Variants in FARSB observed in about 807,000 individuals in gnomAD.
The protein encoded by FARSB is phenylalanyl-tRNA synthetase subunit beta.
Under a neutral mutation model 69.6 loss-of-function variants are expected in FARSB, and 40 were observed. That is an observed-to-expected ratio of 0.57 (90% CI 0.45 to 0.75). FARSB has a LOEUF of 0.75. FARSB is among the 30% of genes least tolerant of loss of function. The pLI, the probability that FARSB is intolerant of heterozygous loss-of-function variation, is 0.00. For missense variants in FARSB, 632 were observed against 722.9 expected, an observed-to-expected ratio of 0.87 and a Z score of 1.44; for synonymous variants, 235 against 247.2, an observed-to-expected ratio of 0.95 and a Z score of 0.46.
At chr2:222,621,994 A>G (rs1022756588) in intron 13 of FARSB, among the ~76,000 whole-genome samples, 3 of 152,210 alleles carry the variant, frequency 2.0e-5, no homozygotes, top group African/African-American at 7.2e-5. Flanking sequence ...GACTGTTTCT[A>G]ACATCCCTGG....
rs112671761 is a variant in FARSB, at chr2:222,584,013, G to A, written c.1619-11991C>T. ...TATTTCTTCATAGCAGCATGAGAAC[G>A]GACTAATACAGCTATAAAGGACAAT... On this transcript the variant is annotated intron_variant, in intron 16 of 16. Transcript: ENST00000281828. Among the ~76,000 whole-genome samples, 1,237 of 152,158 alleles carry A rather than the reference G, an allele frequency of 8.1e-3. 12 individuals carry two copies. The highest frequency in any genetic ancestry group is 0.028 in the African/African-American group (1,172 of 41,490).
intron 13 of FARSB, among the ~76,000 whole-genome samples, chr2:222,621,270 C>T (rs1691127811): frequency 6.6e-6 from 1 of 152,208 alleles, no homozygotes; most frequent in Non-Finnish European, 1.5e-5. Context: ...CCTGAAGTGG[C>T]AGTAGTTAGT....
chr2:222,586,589 T>A (rs1175173012), intron 16 of FARSB, among the ~76,000 whole-genome samples: 1 of 152,102 alleles, frequency 6.6e-6, no homozygotes, highest in Non-Finnish European at 1.5e-5. Flanking sequence ...TCAAGACCCA[T>A]CAGTGTGCTG....
intron 4 of FARSB, among the ~76,000 whole-genome samples, chr2:222,639,914 AAAT>A (rs1458912715): frequency 1.3e-5 from 2 of 152,220 alleles, no homozygotes; most frequent in African/African-American, 4.8e-5. Flanking sequence ...AAAATGTATT[AAAT>A]AATTGAGAAA....
chr2:222,583,413 C>T (rs914091237), intron 16 of FARSB, among the ~76,000 whole-genome samples: 3 of 152,134 alleles, frequency 2.0e-5, no homozygotes, highest in Non-Finnish European at 2.9e-5. Flanking sequence ...ATGAAAATTG[C>T]GTGCCACTTC....
At chr2:222,635,204 A>G (rs906225241) in intron 5 of FARSB, among the ~76,000 whole-genome samples, 2 of 152,228 alleles carry the variant, frequency 1.3e-5, no homozygotes, top group African/African-American at 4.8e-5. Flanking sequence ...TGTAAAACCG[A>G]GCCAGGAAAT....
At chr2:222,630,217 T>G in intron 8 of FARSB, 43 bp from the exon 9 acceptor site, 3 of 971,028 alleles carry the variant, frequency 3.1e-6, no homozygotes, top group Non-Finnish European at 4.7e-6. Context: ...TATAAATATA[T>G]TCTCTTCACT....
intron 16 of FARSB, among the ~76,000 whole-genome samples, chr2:222,589,582 C>A (rs1019248067): frequency 6.6e-6 from 1 of 150,562 alleles, no homozygotes; most frequent in African/African-American, 2.5e-5. Flanking sequence ...AGGCAACCTA[C>A]AGAATGGGAG....
rs1462429650 is a variant in FARSB at position 222,600,087 on chromosome 2, G to GA, written c.1463-5dup. On this transcript the variant is annotated splice_polypyrimidine_tract_variant and splice_region_variant and intron_variant, in intron 15 of 16. Coordinates refer to ENST00000281828, the MANE Select transcript of FARSB (RefSeq NM_005687.5). ...CTGTAGTTTTTTGCACCTACATCTA[G>GA]AAAAATAAAGGAACTGGTCACAACG... 1 of 1,601,226 alleles carries GA rather than the reference G, an allele frequency of 6.2e-7. No homozygotes were observed. Among genetic ancestry groups the GA allele is most frequent in the Non-Finnish European group, 8.5e-7 (1 of 1,176,434 alleles).
At position 222,656,019 on chromosome 2, in the gene FARSB, A is replaced by G; in HGVS notation, c.55T>C (p.Tyr19His). 1 of 1,597,028 alleles carries G rather than the reference A, an allele frequency of 6.3e-7. No homozygotes were observed. The highest frequency in any genetic ancestry group is 8.5e-7 in the Non-Finnish European group (1 of 1,171,234). The part of the protein sequence containing the change: ...DLLFQALGRT[Y>H]TDEEFDELCF... Reference sequence around the variant, plus strand: ...AACGTATAGGGCCGCCACTCACTGTAGGTGCGGCCCAGGGCTTGGAAGAGC... The same window carrying G: ...AACGTATAGGGCCGCCACTCACTGTGGGTGCGGCCCAGGGCTTGGAAGAGC... Residue 19 changes from tyrosine to histidine, a missense_variant, in exon 1 of 17, where the codon TAC becomes CAC. Coordinates refer to ENST00000281828, the MANE Select transcript of FARSB (RefSeq NM_005687.5).
chr2:222,614,052 G>A (rs1690935192), intron 14 of FARSB, 124 bp from the exon 15 acceptor site: 2 of 495,200 alleles, frequency 4.0e-6, no homozygotes, highest in East Asian at 6.0e-5. Context: ...AAAATGCATT[G>A]CCCTAAAATA....
chr2:222,628,025 A>AT (rs1322231303), intron 10 of FARSB, among the ~76,000 whole-genome samples: 1 of 152,212 alleles, frequency 6.6e-6, no homozygotes, highest in Non-Finnish European at 1.5e-5. Context: ...ACTGGTTTAG[A>AT]TTTTTTACCA....
intron 16 of FARSB, among the ~76,000 whole-genome samples, chr2:222,598,938 A>T (rs1380827460): frequency 7.5e-6 from 1 of 133,160 alleles, no homozygotes; most frequent in Non-Finnish European, 1.7e-5. Context: ...TCTCTCATTT[A>T]TTTAAAAAAA....
chr2:222,574,160 CT>C (rs35731405), intron 16 of FARSB, among the ~76,000 whole-genome samples: 2,796 of 149,644 alleles, frequency 0.019, 55 homozygotes, highest in African/African-American at 0.047. Context: ...CGAATCAGCA[CT>C]TTTTTTTTTA....
intron 15 of FARSB, among the ~76,000 whole-genome samples, chr2:222,600,690 TA>T (rs2106198275): frequency 6.6e-6 from 1 of 152,270 alleles, no homozygotes; most frequent in East Asian, 1.9e-4. Flanking sequence ...AAAACTAAAT[TA>T]CATTGTTTAA....
intron 16 of FARSB, among the ~76,000 whole-genome samples, chr2:222,580,959 T>C (rs1689953993): frequency 6.6e-6 from 1 of 151,588 alleles, no homozygotes; most frequent in Non-Finnish European, 1.5e-5. Flanking sequence ...GGCCAGGGGG[T>C]CTTGAGACAT....
chr2:222,645,214 T>C (rs1349306754), intron 2 of FARSB, among the ~76,000 whole-genome samples: 1 of 152,224 alleles, frequency 6.6e-6, no homozygotes, highest in Non-Finnish European at 1.5e-5. Flanking sequence ...GTCTGGACTA[T>C]AGAGTTCAGA....
chr2:222,585,303 C>T (rs531196404), intron 16 of FARSB, among the ~76,000 whole-genome samples: 44 of 152,172 alleles, frequency 2.9e-4, no homozygotes, highest in African/African-American at 8.0e-4. Flanking sequence ...GGAAAACTAA[C>T]GAACAGAAAG....
At chr2:222,637,362 G>A (rs1365451398) in intron 5 of FARSB, among the ~76,000 whole-genome samples, 1 of 151,888 alleles carries the variant, frequency 6.6e-6, no homozygotes, top group African/African-American at 2.4e-5. Flanking sequence ...AGGCCAAGGT[G>A]GGCAGAGTCC....
Sources: gnomAD v4.1 joint callset for allele counts (sites outside exome capture counted in the v4.1 genomes callset) on GRCh38, gnomAD v4.1.1 for gene constraint, MANE v1.5 for transcripts, NCBI Gene and HGNC (gene_info 2026-07-23, HGNC 2026-07-21) for gene names.